Variants in SORBS2 observed in about 807,000 individuals in gnomAD.
SORBS2 encodes the protein sorbin and SH3 domain-containing protein 2.
A neutral mutation model predicts 97.7 loss-of-function variants in SORBS2; 46 were observed. That is an observed-to-expected ratio of 0.47 (90% CI 0.37 to 0.60). The LOEUF is 0.60. SORBS2 is among the 20% of genes least tolerant of loss of function. SORBS2 has a pLI of 0.00. For synonymous variants in SORBS2, 476 were observed against 473.4 expected, an observed-to-expected ratio of 1.01 and a Z score of -0.07; for missense variants, 1,316 against 1,282.3, an observed-to-expected ratio of 1.03 and a Z score of -0.40.
intron 4 of SORBS2, 98 bp downstream of exon 16, chr4:185,635,247 TCAAAAATAGC>T: frequency 6.5e-6 from 5 of 769,594 alleles, no homozygotes; most frequent in Admixed American, 5.1e-5. Flanking sequence ...AGATATTTTT[TCAAAAATAGC>T]TTAGACATTA....
At chr4:185,656,145 T>G (rs2097397048) in intron 1 of SORBS2, among the ~76,000 whole-genome samples, 1 of 152,244 alleles carries the variant, frequency 6.6e-6, no homozygotes, top group African/African-American at 2.4e-5. Flanking sequence ...TCATAATCCC[T>G]GAACTTTTCT....
chr4:185,950,196 G>T (rs766525547), intron 1 of SORBS2, among the ~76,000 whole-genome samples: 1 of 151,222 alleles, frequency 6.6e-6, no homozygotes, highest in Non-Finnish European at 1.5e-5. Flanking sequence ...AGGTTGCAGC[G>T]AGCCGAGATT....
intron 1 of SORBS2, among the ~76,000 whole-genome samples, chr4:185,910,679 C>G (rs1291269686): frequency 1.3e-5 from 2 of 152,066 alleles, no homozygotes; most frequent in Non-Finnish European, 2.9e-5. Context: ...CTTAGCTCAA[C>G]CGCCTCCCAC....
intron 2 of SORBS2, among the ~76,000 whole-genome samples, chr4:185,767,425 G>A (rs1433975870): frequency 1.4e-5 from 2 of 143,018 alleles, no homozygotes; most frequent in Non-Finnish European, 3.0e-5. Context: ...GCGTGAACCC[G>A]GGAGGCGGAG....
chr4:185,622,758 G>C (rs1581167609), intron 7 of SORBS2, among the ~76,000 whole-genome samples, 156 bp downstream of exon 19: 1 of 152,186 alleles, frequency 6.6e-6, no homozygotes, highest in African/African-American at 2.4e-5. Context: ...GAAATATTCA[G>C]TAAGACATAT....
At chr4:185,627,410 G>A (rs1581276047) in intron 5 of SORBS2, among the ~76,000 whole-genome samples, 1 of 152,152 alleles carries the variant, frequency 6.6e-6, no homozygotes, top group African/African-American at 2.4e-5. Flanking sequence ...TAGAGACAGA[G>A]TCTCACTATG....
At position 185,812,096 on chromosome 4, in the gene SORBS2, G is replaced by A. The variant is rs910220591; in HGVS notation, c.-337-36730C>T. 1 of 152,224 alleles carries A rather than the reference G, an allele frequency of 6.6e-6. No homozygotes were observed. Among genetic ancestry groups the A allele is most frequent in the African/African-American group, 2.4e-5 (1 of 41,456 alleles). 9.4% of individuals were successfully genotyped at this position (152,224 alleles called of 1,614,324 possible). A position where few individuals can be genotyped will look rare whatever the true frequency, so the allele number is the denominator to read the frequency against. Reference sequence around the variant, plus strand: ...TCCAAAAGGCAGCTTGCAGGCCTGCGTGGCTGTGATCATTGTATACTAACA... The same window carrying A: ...TCCAAAAGGCAGCTTGCAGGCCTGCATGGCTGTGATCATTGTATACTAACA... On this transcript the variant is annotated intron_variant, in intron 1 of 20. The change creates a new upstream start codon in the 5' untranslated region. Transcript: ENST00000284776.
At chr4:185,611,672 T>C in intron 12 of SORBS2, 108 bp downstream of exon 24, 1 of 835,202 alleles carries the variant, frequency 1.2e-6, no homozygotes, top group Non-Finnish European at 1.9e-6. Context: ...TGTAAATCTC[T>C]TTCTCTGCAA....
At chr4:185,679,044 T>C (rs1295521817) in intron 2 of SORBS2, among the ~76,000 whole-genome samples, 1 of 152,124 alleles carries the variant, frequency 6.6e-6, no homozygotes, top group Non-Finnish European at 1.5e-5. Context: ...ATCTATATAG[T>C]AAACACTCAT....
At chr4:185,938,747 C>A (rs1463783195) in intron 1 of SORBS2, among the ~76,000 whole-genome samples, 1 of 152,050 alleles carries the variant, frequency 6.6e-6, no homozygotes, top group Non-Finnish European at 1.5e-5. Flanking sequence ...CTTTCCCCCC[C>A]AGCAGCCTGG....
chr4:185,618,598 C>A (rs2096662950), exon 9 of SORBS2: 1 of 1,532,368 alleles, frequency 6.5e-7, no homozygotes, highest in Non-Finnish European at 8.9e-7. Context: ...GATGTCTGAG[C>A]CTTAAAATCA....
intron 1 of SORBS2, among the ~76,000 whole-genome samples, chr4:185,930,879 T>C (rs755000279): frequency 2.6e-5 from 4 of 152,212 alleles, no homozygotes; most frequent in Non-Finnish European, 5.9e-5. Context: ...AATTAATGCA[T>C]CAATGCTACA....
intron 2 of SORBS2, among the ~76,000 whole-genome samples, chr4:185,731,866 C>CTCTCTATA (rs1286500642): frequency 2.0e-4 from 5 of 24,684 alleles, no homozygotes; most frequent in Non-Finnish European, 2.7e-4. Context: ...CTCTCTCTCT[C>CTCTCTATA]TATATATATA....
At chr4:185,663,061 C>T (rs903852156) in intron 4 of SORBS2, among the ~76,000 whole-genome samples, 7 of 152,146 alleles carry the variant, frequency 4.6e-5, no homozygotes, top group African/African-American at 1.2e-4. Flanking sequence ...GGAACTGAAT[C>T]GGCTTAGTTC....
chr4:185,585,792 A>G (rs1251107120), exon 15 of SORBS2: 2 of 152,358 alleles, frequency 1.3e-5, no homozygotes, highest in East Asian at 3.9e-4. Context: ...AGCCTTTAAA[A>G]TATGAAGCTG....
intron 1 of SORBS2, among the ~76,000 whole-genome samples, chr4:185,846,403 A>G (rs896693711): frequency 2.0e-5 from 3 of 152,218 alleles, no homozygotes; most frequent in Admixed American, 2.0e-4. Context: ...TCAGAAAGAA[A>G]ATCAACTGAA....
At chr4:185,795,459 C>T (rs1204517790) in intron 1 of SORBS2, among the ~76,000 whole-genome samples, 1 of 152,154 alleles carries the variant, frequency 6.6e-6, no homozygotes, top group Non-Finnish European at 1.5e-5. Flanking sequence ...TCCTGCCCAG[C>T]CTCTCTCTGA....
chr4:185,881,660 A>C (rs1419484013), intron 1 of SORBS2, among the ~76,000 whole-genome samples: 1 of 152,136 alleles, frequency 6.6e-6, no homozygotes, highest in Non-Finnish European at 1.5e-5. Flanking sequence ...CCAAGCAAAA[A>C]TGCCAGGAAT....
intron 4 of SORBS2, 125 bp downstream of exon 16, chr4:185,635,230 C>CAA: frequency 1.5e-6 from 1 of 682,254 alleles, no homozygotes; most frequent in South Asian, 1.9e-5. Flanking sequence ...CATAATGATG[C>CAA]AAAGATAGAT....
Sources: allele counts gnomAD v4.1 joint callset (sites outside exome capture counted in the v4.1 genomes callset), GRCh38; gene constraint gnomAD v4.1.1; transcripts MANE v1.5; gene names NCBI Gene and HGNC (gene_info 2026-07-23, HGNC 2026-07-21).